Variants in MPP7 observed in about 807,000 individuals in gnomAD.
MPP7 encodes MAGUK p55 scaffold protein 7.
In MPP7, 60 loss-of-function variants were observed where a neutral mutation model predicts 76.5. The observed-to-expected ratio is 0.78, with a 90% CI of 0.64 to 0.97. MPP7 has a LOEUF of 0.97. Ranked by LOEUF, MPP7 falls within the 50% of genes least tolerant of loss-of-function variation. The pLI, the probability that MPP7 is intolerant of heterozygous loss-of-function variation, is 0.00. For synonymous variants in MPP7, 237 were observed against 244.5 expected, an observed-to-expected ratio of 0.97 and a Z score of 0.29; for missense variants, 641 against 694.0, an observed-to-expected ratio of 0.92 and a Z score of 0.86.
intron 2 of MPP7, among the ~76,000 whole-genome samples, chr10:28,326,878 A>G (rs1834420969): frequency 6.6e-6 from 1 of 152,172 alleles, no homozygotes; most frequent in Non-Finnish European, 1.5e-5. Flanking sequence ...ATTAAATCCC[A>G]TAGACCAGAA....
chr10:28,069,505 G>A (rs1852124939), intron 13 of MPP7, among the ~76,000 whole-genome samples: 2 of 151,904 alleles, frequency 1.3e-5, no homozygotes, highest in Admixed American at 1.3e-4. Flanking sequence ...TTGGGAGGCT[G>A]TGGCAGAAGA....
At chr10:28,158,361 T>C (rs1358699831) in intron 3 of MPP7, among the ~76,000 whole-genome samples, 19 of 152,106 alleles carry the variant, frequency 1.2e-4, no homozygotes, top group Non-Finnish European at 1.5e-5. Flanking sequence ...AAATTTCATA[T>C]ATACATACAT....
chr10:28,296,905 T>C (rs1347226845), intron 1 of MPP7, among the ~76,000 whole-genome samples: 1 of 152,152 alleles, frequency 6.6e-6, no homozygotes, highest in East Asian at 1.9e-4. Flanking sequence ...AAGCAAAGCA[T>C]AAGACTATGC....
At chr10:28,136,483 T>C (rs1004237459) in intron 5 of MPP7, among the ~76,000 whole-genome samples, 2 of 151,934 alleles carry the variant, frequency 1.3e-5, no homozygotes, top group Non-Finnish European at 2.9e-5. Flanking sequence ...ATACTGCTCA[T>C]AATGAAGAAA....
rs150413064 is a variant in MPP7, at chr10:28,142,697, C to T, written c.315+4786G>A. 1.6e-4 allele frequency among the ~76,000 whole-genome samples: 25 copies of T among 152,226 alleles called. 1 individual carries two copies. Among genetic ancestry groups the T allele is most frequent in the Admixed American group, 5.9e-4 (9 of 15,296 alleles). ...AGTAAGCTGAGATTGTGCCACTGCA[C>T]GCCAACCTGGGTGACAGAGCGAGAC... On this transcript the variant is annotated intron_variant, in intron 5 of 16. Transcript: ENST00000683449.
At chr10:28,130,646 T>A (rs115817270) in intron 6 of MPP7, among the ~76,000 whole-genome samples, 3 of 152,338 alleles carry the variant, frequency 2.0e-5, no homozygotes, top group African/African-American at 7.2e-5. Context: ...CTTCTCTCTG[T>A]GTGTTTTTCA....
intron 2 of MPP7, among the ~76,000 whole-genome samples, chr10:28,205,738 C>G (rs10763646): frequency 0.18 from 26,676 of 152,072 alleles, 2,979 homozygotes; most frequent in East Asian, 0.56. Context: ...CTGCAAAGGA[C>G]GAAGAAGACA....
rs1024509440 is a variant in MPP7 at position 28,311,045 on chromosome 10, C to T, written c.-132+18884G>A. On this transcript the variant is annotated intron_variant, in intron 2 of 11. Coordinates refer to the MPP7 transcript ENST00000441595. ...TCACTATGGGATCCCCAGTGGCTTA[C>T]AGGTTGGAGACATAGCAAGAATCTA... 3.9e-5 allele frequency among the ~76,000 whole-genome samples: 6 copies of T among 152,178 alleles called. No individual in the cohort carries two copies. The South Asian group carries it at 6.2e-4, about 16-fold the overall frequency.
intron 1 of MPP7, among the ~76,000 whole-genome samples, chr10:28,253,854 G>A (rs765264552): frequency 2.0e-5 from 3 of 151,544 alleles, no homozygotes; most frequent in Non-Finnish European, 4.4e-5. Flanking sequence ...AAATTAGCCG[G>A]GTATGGTCGG....
At chr10:28,175,538 G>C (rs1179901839) in intron 3 of MPP7, among the ~76,000 whole-genome samples, 6 of 152,096 alleles carry the variant, frequency 3.9e-5, no homozygotes, top group Admixed American at 2.0e-4. Context: ...AGTCAACACT[G>C]AGAAATATTT....
chr10:28,110,207 T>C (rs200087516), intron 11 of MPP7, among the ~76,000 whole-genome samples: 1 of 151,912 alleles, frequency 6.6e-6, no homozygotes, highest in Non-Finnish European at 1.5e-5. Context: ...CTCCTGCCTC[T>C]GCCTCCTGAG....
chr10:28,206,898 C>T (rs1484793938), intron 2 of MPP7, among the ~76,000 whole-genome samples: 11 of 152,128 alleles, frequency 7.2e-5, no homozygotes, highest in Admixed American at 6.6e-4. Flanking sequence ...TTAAATCTGG[C>T]TTAAACTTCT....
rs372145515 is a variant in MPP7, at chr10:28,192,687, T to C, written c.156+9466A>G. Among the ~76,000 whole-genome samples, 20 of 152,310 alleles carry C rather than the reference T, an allele frequency of 1.3e-4. No homozygotes were observed. The East Asian group carries it at 3.1e-3, about 24-fold the overall frequency. ...TCAGGAATACACAATATTACTAAGA[T>C]GTCATCTCTTCACAAATGGAGCCAT... On this transcript the variant is annotated intron_variant, in intron 3 of 16. Coordinates refer to ENST00000683449, the MANE Select transcript of MPP7 (RefSeq NM_001318170.2).
intron 1 of MPP7, among the ~76,000 whole-genome samples, chr10:28,259,957 T>C (rs929908652): frequency 1.3e-5 from 2 of 152,172 alleles, no homozygotes; most frequent in Admixed American, 6.6e-5. Context: ...CACTCCAGCC[T>C]GGGTGACAGA....
chr10:28,155,038 T>C (rs1836006733), intron 3 of MPP7, among the ~76,000 whole-genome samples: 1 of 152,178 alleles, frequency 6.6e-6, no homozygotes, highest in African/African-American at 2.4e-5. Flanking sequence ...GTATACTTGT[T>C]TGCAGTTTAC....
At chr10:28,179,883 T>C (rs1359185424) in intron 3 of MPP7, among the ~76,000 whole-genome samples, 2 of 152,302 alleles carry the variant, frequency 1.3e-5, no homozygotes, top group Admixed American at 1.3e-4. Flanking sequence ...ACAAATGAAA[T>C]TCACAAATAA....
At chr10:28,119,041 A>G (rs762864863) in intron 11 of MPP7, 3 of 985,400 alleles carry the variant, frequency 3.0e-6, no homozygotes, top group Non-Finnish European at 3.6e-6. Flanking sequence ...GGAAATAAAG[A>G]AAAGCTGACA....
chr10:28,151,463 T>C (rs1373768342), intron 3 of MPP7, among the ~76,000 whole-genome samples: 1 of 152,218 alleles, frequency 6.6e-6, no homozygotes, highest in Non-Finnish European at 1.5e-5. Flanking sequence ...CATCTCAACA[T>C]ATAGTATCAC....
rs539441562 is a variant in MPP7, at chr10:28,116,375, C to A, written c.952+3276G>T. Among the ~76,000 whole-genome samples, 15 of 152,158 alleles carry A rather than the reference C, an allele frequency of 9.9e-5. 1 individual carries two copies. In the South Asian group the frequency reaches 2.3e-3, roughly 23 times the overall value. On this transcript the variant is annotated intron_variant, in intron 11 of 16. Coordinates refer to ENST00000683449, the MANE Select transcript of MPP7 (RefSeq NM_001318170.2). ...TAGAATACTTTAAATTATATTGACACAAGAAATGCAAGCTGCCAAGTTCCT... is the reference window on the plus strand; with the variant it reads ...TAGAATACTTTAAATTATATTGACAAAAGAAATGCAAGCTGCCAAGTTCCT...
Sources: allele counts gnomAD v4.1 joint callset (sites outside exome capture counted in the v4.1 genomes callset), GRCh38; gene constraint gnomAD v4.1.1; transcripts MANE v1.5; gene names NCBI Gene and HGNC (gene_info 2026-07-23, HGNC 2026-07-21).